Variants in FGF12 observed in about 807,000 individuals in gnomAD.
The protein encoded by FGF12 is fibroblast growth factor 12B.
FGF12 carries 14 observed loss-of-function variants against 23.6 expected under a neutral mutation model. The ratio of observed to expected loss-of-function variants is 0.59; its 90% CI spans 0.39 to 0.93. The LOEUF (loss-of-function observed/expected upper bound fraction) is 0.93. Among genes scored for constraint, FGF12 ranks in the 40% least tolerant of loss-of-function variants. The pLI is 0.00. For missense variants in FGF12, 175 were observed against 217.8 expected (o/e 0.80, Z 1.24); for synonymous variants, 62 against 77.3 (o/e 0.80, Z 1.04).
At chr3:192,326,302 C>A (rs1051049092) in intron 4 of FGF12, among the ~76,000 whole-genome samples, 2 of 152,082 alleles carry the variant, frequency 1.3e-5, no homozygotes, top group African/African-American at 2.4e-5. Flanking sequence ...TTACTGGGTC[C>A]TAAATGATGG....
intron 4 of FGF12, among the ~76,000 whole-genome samples, chr3:192,258,922 ATG>A (rs1452474008): frequency 6.6e-6 from 1 of 152,176 alleles, no homozygotes; most frequent in African/African-American, 2.4e-5. Flanking sequence ...TGTATGTGTG[ATG>A]TGTGTGTTTG....
At chr3:192,610,627 ATCAGG>A (rs1271140808) in intron 2 of FGF12, among the ~76,000 whole-genome samples, 88 of 152,152 alleles carry the variant, frequency 5.8e-4, no homozygotes, top group African/African-American at 2.1e-3. Flanking sequence ...AAAATGTCAG[ATCAGG>A]TCACTCCTTT....
chr3:192,582,303 C>A (rs1713188760), intron 2 of FGF12, among the ~76,000 whole-genome samples: 1 of 152,094 alleles, frequency 6.6e-6, no homozygotes, highest in African/African-American at 2.4e-5. Flanking sequence ...TCTTCCAAAG[C>A]ACATACTATA....
At chr3:192,424,683 A>G (rs184274329) in intron 2 of FGF12, among the ~76,000 whole-genome samples, 56 of 152,270 alleles carry the variant, frequency 3.7e-4, no homozygotes, top group Non-Finnish European at 1.8e-4. Context: ...CTGAATATAT[A>G]TAATTTGAAT....
chr3:192,717,590 A>G (rs1232875473), intron 2 of FGF12, among the ~76,000 whole-genome samples: 1 of 152,150 alleles, frequency 6.6e-6, no homozygotes, highest in Non-Finnish European at 1.5e-5. Flanking sequence ...TTTCCCCATA[A>G]AGCATAGAAA....
intron 2 of FGF12, among the ~76,000 whole-genome samples, chr3:192,606,006 T>C (rs1047295745): frequency 6.6e-6 from 1 of 152,146 alleles, no homozygotes; most frequent in Non-Finnish European, 1.5e-5. Context: ...AACCCAGCAA[T>C]CCCCATTACT....
Position 192,411,226 on chromosome 3 carries a change from G to A in FGF12, c.14-50688C>T, listed in dbSNP as rs1721190470. Among the ~76,000 whole-genome samples, 6 of 152,294 alleles carry A rather than the reference G, an allele frequency of 3.9e-5. No individual in the cohort carries two copies. In the South Asian group the frequency reaches 1.2e-3, roughly 32 times the overall value. On this transcript the variant is annotated intron_variant, in intron 2 of 5. Transcript: ENST00000445105. ...AAGAAGGATTGAGATCTGTGACGTT[G>A]TTCAGATCAAGCAGGAGTCTAACAC...
chr3:192,257,395 T>C (rs1577289220), intron 4 of FGF12, among the ~76,000 whole-genome samples: 1 of 152,016 alleles, frequency 6.6e-6, no homozygotes, highest in African/African-American at 2.4e-5. Flanking sequence ...CATCAGAGAG[T>C]GGCAGATGAA....
intron 4 of FGF12, among the ~76,000 whole-genome samples, chr3:192,272,057 G>A (rs1713474944): frequency 1.3e-5 from 2 of 152,128 alleles, no homozygotes; most frequent in Non-Finnish European, 2.9e-5. Context: ...TTTCCTCCAA[G>A]TGATATTAGG....
In FGF12 at chr3:192,253,551, C is replaced by T. The variant is rs563025822; in HGVS notation, c.228+81810G>A. 3.3e-5 allele frequency among the ~76,000 whole-genome samples: 5 copies of T among 152,060 alleles called. No individual in the cohort carries two copies. In the South Asian group the frequency reaches 8.3e-4, roughly 25 times the overall value. On this transcript the variant is annotated intron_variant, in intron 4 of 5. Coordinates refer to ENST00000445105, the MANE Select transcript of FGF12 (RefSeq NM_004113.6). The stretch of plus-strand genomic sequence containing the variant: ...GAATAAAAATTAGGATGTTCTCTTG[C>T]TTTTCTGTTAAATGTGTCCAGAATT...
chr3:192,470,926 G>A (rs1469997794), intron 2 of FGF12, among the ~76,000 whole-genome samples: 1 of 152,018 alleles, frequency 6.6e-6, no homozygotes, highest in Non-Finnish European at 1.5e-5. Context: ...TCACACCTCC[G>A]GCTTCTCATC....
At chr3:192,491,413 G>C (rs1421779412) in intron 2 of FGF12, among the ~76,000 whole-genome samples, 2 of 152,058 alleles carry the variant, frequency 1.3e-5, no homozygotes. Context: ...GTGTGCTTTT[G>C]CATTTTTGAG....
intron 4 of FGF12, among the ~76,000 whole-genome samples, chr3:192,301,913 C>A (rs574564175): frequency 6.6e-6 from 1 of 152,204 alleles, no homozygotes; most frequent in South Asian, 2.1e-4. Flanking sequence ...CCCGAGCAAC[C>A]ACCTCTTCTT....
intron 2 of FGF12, among the ~76,000 whole-genome samples, chr3:192,451,377 A>G (rs1722514513): frequency 6.6e-6 from 1 of 152,214 alleles, no homozygotes; most frequent in African/African-American, 2.4e-5. Flanking sequence ...GAGAATTACC[A>G]GTCTGACAGC....
intron 2 of FGF12, among the ~76,000 whole-genome samples, chr3:192,518,333 T>C (rs543923711): frequency 6.6e-6 from 1 of 152,296 alleles, no homozygotes; most frequent in Admixed American, 6.5e-5. Flanking sequence ...TGGATGAATG[T>C]GTTTGAATTC....
chr3:192,441,739 T>C (rs1398167066), intron 2 of FGF12, among the ~76,000 whole-genome samples: 2 of 152,208 alleles, frequency 1.3e-5, no homozygotes, highest in Non-Finnish European at 2.9e-5. Flanking sequence ...GTTTAACAAG[T>C]GAGTCCTTAG....
At chr3:192,562,650 A>G (rs1244721769) in intron 2 of FGF12, among the ~76,000 whole-genome samples, 2 of 152,142 alleles carry the variant, frequency 1.3e-5, no homozygotes, top group African/African-American at 4.8e-5. Context: ...GTAATCAGTA[A>G]ATAGGTATAC....
intron 4 of FGF12, among the ~76,000 whole-genome samples, chr3:192,234,048 T>C (rs1294837297): frequency 3.3e-5 from 5 of 152,196 alleles, no homozygotes; most frequent in East Asian, 3.8e-4. Context: ...ATTCCAGCTC[T>C]TTTTTAGGTT....
intron 5 of FGF12, among the ~76,000 whole-genome samples, chr3:192,152,253 TC>T (rs1365656516): frequency 9.0e-6 from 1 of 110,702 alleles, no homozygotes; most frequent in African/African-American, 3.5e-5. Flanking sequence ...GTTGATCCTT[TC>T]AAAAAACCAG....
Sources: gnomAD v4.1 joint callset for allele counts (sites outside exome capture counted in the v4.1 genomes callset) on GRCh38, gnomAD v4.1.1 for gene constraint, MANE v1.5 for transcripts, NCBI Gene and HGNC (gene_info 2026-07-23, HGNC 2026-07-21) for gene names.